Variants in NFKBIZ observed in about 807,000 individuals in gnomAD.
The protein encoded by NFKBIZ is NFKB inhibitor zeta, also known as NF-kappa-B inhibitor zeta.
Under a neutral mutation model 76.8 loss-of-function variants are expected in NFKBIZ, and 19 were observed. The observed-to-expected ratio is 0.25, with a 90% confidence interval of 0.17 to 0.36. The LOEUF (loss-of-function observed/expected upper bound fraction) is 0.36, where lower values mean the gene tolerates loss of function less well. Ranked by LOEUF, NFKBIZ falls within the 10% of genes least tolerant of loss-of-function variation. NFKBIZ has a pLI of 1.00. For synonymous variants in NFKBIZ, 368 were observed against 354.8 expected (o/e 1.04, Z -0.42); for missense variants, 829 against 910.9 (o/e 0.91, Z 1.16).
Position 101,849,918 on chromosome 3 carries a change from G to A in NFKBIZ, c.289+1G>A. ...GGCGCCCGCGCCGAGCGCCAGCCAG[G>A]TACCCGCCGGCCCCGCACCGCTGCG... On this transcript the variant is annotated splice_donor_variant, in intron 1 of 11. Transcript: ENST00000326172. LOFTEE classifies it high-confidence loss of function. The A allele has an allele frequency of 2.8e-6, 4 of 1,417,550 alleles. No homozygotes were observed. Among genetic ancestry groups the A allele is most frequent in the Non-Finnish European group, 3.7e-6 (4 of 1,094,444 alleles). The allele number at this position is 1,417,550 out of a possible 1,614,324, so 87.8% of individuals were successfully genotyped here.
chr3:101,829,398 A>C (rs1181166393), intron 1 of NFKBIZ, among the ~76,000 whole-genome samples: 1 of 152,134 alleles, frequency 6.6e-6, no homozygotes, highest in African/African-American at 2.4e-5. Context: ...GAGGAGGCAA[A>C]CCCTTCTCTT....
intron 2 of NFKBIZ, among the ~76,000 whole-genome samples, chr3:101,831,187 TAGAG>T (rs1450007394): frequency 6.6e-6 from 1 of 152,192 alleles, no homozygotes; most frequent in Non-Finnish European, 1.5e-5. Context: ...CATGCGTTCT[TAGAG>T]AGGGTGATAT....
At position 101,828,604 on chromosome 3, in the gene NFKBIZ, A is replaced by G. The variant is rs577860140; in HGVS notation, c.-88+420A>G. Among the ~76,000 whole-genome samples, 27 of 152,362 alleles carry G rather than the reference A, an allele frequency of 1.8e-4. 1 individual carries two copies. The highest frequency in any genetic ancestry group is 5.1e-4 in the African/African-American group (21 of 41,572). On this transcript the variant is annotated intron_variant, in intron 1 of 12. Coordinates refer to the NFKBIZ transcript ENST00000394054. ...TCCCACCAACCGTAGGCATGAAACT[A>G]TATGGGAAAATATATCAGAGTAAAT...
intron 1 of NFKBIZ, chr3:101,850,551 C>G (rs533325117): frequency 2.0e-5 from 3 of 152,178 alleles, no homozygotes; most frequent in Non-Finnish European, 2.9e-5. Flanking sequence ...TAAGCCATAT[C>G]TAGCAGAGAA....
At chr3:101,829,721 A>C (rs1942620290) in intron 2 of NFKBIZ, 1 of 152,172 alleles carries the variant, frequency 6.6e-6, no homozygotes, top group Admixed American at 6.5e-5. Flanking sequence ...AACAAGTAGC[A>C]TCCAGGTGTT....
At chr3:101,833,468 A>G (rs1398559130) in intron 2 of NFKBIZ, among the ~76,000 whole-genome samples, 1 of 152,214 alleles carries the variant, frequency 6.6e-6, no homozygotes, top group East Asian at 1.9e-4. Context: ...TTATTTTTTA[A>G]TCATAACAGC....
intron 2 of NFKBIZ, among the ~76,000 whole-genome samples, chr3:101,837,691 CT>C (rs1266078629): frequency 6.6e-6 from 1 of 152,086 alleles, no homozygotes; most frequent in Non-Finnish European, 1.5e-5. Flanking sequence ...CCATCCTCTC[CT>C]CTTTACTGCC....
At chr3:101,830,009 A>G (rs951835067) in intron 2 of NFKBIZ, among the ~76,000 whole-genome samples, 2 of 152,108 alleles carry the variant, frequency 1.3e-5, no homozygotes, top group Non-Finnish European at 2.9e-5. Flanking sequence ...GCTTACTGAC[A>G]GTTTCAGGGT....
At position 101,860,082 on chromosome 3, in the gene NFKBIZ, A is replaced by G. The variant is rs1943110889; in HGVS notation, c.*711A>G. The G allele has an allele frequency of 6.6e-6, 1 of 152,176 alleles. No individual in the cohort carries two copies. The highest frequency in any genetic ancestry group is 2.4e-5 in the African/African-American group (1 of 41,442). The allele number at this position is 152,176 out of a possible 1,614,324, so 9.4% of individuals were successfully genotyped here. On this transcript the variant is annotated 3_prime_UTR_variant, in exon 12 of 12. Transcript: ENST00000326172. ...TTGTAGATAAAGCAGATGGGGAGTT[A>G]CGGAGTTGTTCCTTTACTGGCTGAA...
In NFKBIZ at chr3:101,853,635, A is replaced by G; in HGVS notation, c.1109A>G (p.His370Arg). 6.2e-7 allele frequency: 1 copy of G among 1,614,278 alleles called. No homozygotes were observed. The change falls in exon 5 of 12, where the codon CAC becomes CGC. Residue 370 changes from histidine (H) to arginine (R), a missense_variant. Around this residue, in one of 4 missense-constraint regions of NFKBIZ, gnomAD observed 371 missense variants for 332.3 expected, o/e 1.12. Coordinates refer to ENST00000326172, the MANE Select transcript of NFKBIZ (RefSeq NM_031419.4). ...SSSVQQQNDAHLHSFSMMPSS... is the reference protein window; with the variant it reads ...SSSVQQQNDARLHSFSMMPSS... ...AGTGTTCAGCAGCAAAATGATGCTC[A>G]CTTGCACAGCTTCAGCATGATGCCC...
At position 101,859,463 on chromosome 3, in the gene NFKBIZ, A is replaced by G. The variant is rs1943104432; in HGVS notation, c.*92A>G. 1.0e-6 allele frequency: 1 copy of G among 1,003,452 alleles called. No homozygotes were observed. Among genetic ancestry groups the G allele is most frequent in the Admixed American group, 1.9e-5 (1 of 53,310 alleles). 62.2% of individuals were successfully genotyped at this position (1,003,452 alleles called of 1,614,324 possible). On this transcript the variant is annotated 3_prime_UTR_variant, in exon 12 of 12. Transcript: ENST00000326172. ...ATAGACCATTTGCCTTATATTGGCAAATGTAAGTTGTTTCTATGAAACAAA... is the reference window on the plus strand; with the variant it reads ...ATAGACCATTTGCCTTATATTGGCAGATGTAAGTTGTTTCTATGAAACAAA...
At chr3:101,857,761 G>C in intron 11 of NFKBIZ, 1 of 985,412 alleles carries the variant, frequency 1.0e-6, no homozygotes, top group Non-Finnish European at 1.2e-6. Context: ...AAGATACCAA[G>C]GTTCCTGCAG....
In NFKBIZ at chr3:101,852,983, A is replaced by G. The variant is rs1231294711; in HGVS notation, c.558A>G (p.Gln186=). Reference sequence around the variant, plus strand: ...AAAGGCCAGCTCTGTTGCATTCCCAATTTTTGGTAAGTATCTCACCATTTT... The same window carrying G: ...AAAGGCCAGCTCTGTTGCATTCCCAGTTTTTGGTAAGTATCTCACCATTTT... ...ACKRPALLHS[Q]FLTPPQTPTP... The change falls in exon 4 of 12, where the codon CAA becomes CAG. Residue 186 remains glutamine (Q), a synonymous_variant. Coordinates refer to ENST00000326172, the MANE Select transcript of NFKBIZ (RefSeq NM_031419.4). The G allele has an allele frequency of 1.2e-6, 2 of 1,614,074 alleles. No homozygotes were observed. The highest frequency in any genetic ancestry group is 2.2e-5 in the South Asian group (2 of 91,072).
At chr3:101,838,833 T>C (rs1362084550) in intron 2 of NFKBIZ, among the ~76,000 whole-genome samples, 1 of 152,224 alleles carries the variant, frequency 6.6e-6, no homozygotes, top group Non-Finnish European at 1.5e-5. Context: ...TATGCATGTT[T>C]GATGTATTTT....
chr3:101,840,992 G>A (rs1164894257), intron 2 of NFKBIZ, among the ~76,000 whole-genome samples: 1 of 152,232 alleles, frequency 6.6e-6, no homozygotes, highest in Non-Finnish European at 1.5e-5. Context: ...AATATGCAAA[G>A]TTGTACATAC....
At position 101,853,496 on chromosome 3, in the gene NFKBIZ, C is replaced by G; in HGVS notation, c.970C>G (p.Pro324Ala). ...PIPPQSPAYE[P>A]NLFDGPESQF... Reference sequence around the variant, plus strand: ...ACCTCCCCAGTCCCCCGCTTATGAACCAAACCTCTTTGATGGTCCAGAATC... The same window carrying G: ...ACCTCCCCAGTCCCCCGCTTATGAAGCAAACCTCTTTGATGGTCCAGAATC... Residue 324 changes from proline (P) to alanine (A), a missense_variant, in exon 5 of 12, where the codon CCA (proline) becomes GCA (alanine). By Grantham distance (27) the Pro-to-Ala change is conservative (BLOSUM62 -1). This residue lies in a region of NFKBIZ where 371 missense variants were observed against 332.3 expected (regional missense o/e 1.12). Transcript: ENST00000326172. The G allele has an allele frequency of 6.2e-7, 1 of 1,614,246 alleles. No individual in the cohort carries two copies. The highest frequency in any genetic ancestry group is 1.3e-5 in the African/African-American group (1 of 75,064).
chr3:101,857,213 C>T (rs1179846113), intron 10 of NFKBIZ, 30 bp downstream of exon 10: 16 of 1,612,282 alleles, frequency 9.9e-6, no homozygotes, highest in Admixed American at 8.3e-5. Context: ...GCCTTCTGTA[C>T]ACCCTCTCAA....
At position 101,855,096 on chromosome 3, in the gene NFKBIZ, A is replaced by G. The variant is rs761715534; in HGVS notation, c.1478A>G (p.His493Arg). The G allele has an allele frequency of 1.9e-6, 3 of 1,611,674 alleles. No homozygotes were observed. Among genetic ancestry groups the G allele is most frequent in the Non-Finnish European group, 2.5e-6 (3 of 1,179,416 alleles). ...CAGGTGGCAGTGGCTGCCAATCAGC[A>G]TCTCATTGTGCAGGATCTGGTGAAC... Reference protein sequence around the residue: ...AFQVAVAANQHLIVQDLVNIG... With the variant: ...AFQVAVAANQRLIVQDLVNIG... Residue 493 changes from histidine (H) to arginine (R), a missense_variant, in exon 7 of 12, where the codon CAT becomes CGT. Physicochemically the swap from His to Arg is conservative, Grantham distance 29. Transcript: ENST00000326172.
upstream of NFKBIZ, among the ~76,000 whole-genome samples, chr3:101,846,796 A>G (rs948977341): frequency 3.9e-5 from 6 of 152,234 alleles, no homozygotes; most frequent in African/African-American, 1.4e-4. Context: ...ACATATAAAT[A>G]TGTAGAAAGA....
Sources: gnomAD v4.1 joint callset for allele counts (sites outside exome capture counted in the v4.1 genomes callset) on GRCh38, gnomAD v4.1.1 for gene constraint, gnomAD v4.1.1 regional missense constraint, MANE v1.5 for transcripts, NCBI Gene and HGNC (gene_info 2026-07-23, HGNC 2026-07-21) for gene names.